PCDH15: variants seen among roughly 807,000 people sequenced by gnomAD.
The protein encoded by PCDH15 is protocadherin-15.
In PCDH15, 129 loss-of-function variants were observed where a neutral mutation model predicts 178.5. The ratio of observed to expected loss-of-function variants is 0.72; its 90% CI spans 0.63 to 0.84. The LOEUF (loss-of-function observed/expected upper bound fraction) is 0.84, where lower values mean the gene tolerates loss of function less well. Among genes scored for constraint, PCDH15 ranks in the 40% least tolerant of loss-of-function variants. The pLI is 0.00. For missense variants in PCDH15, 2,230 were observed against 2,099.9 expected (o/e 1.06, Z -1.21); for synonymous variants, 800 against 732.0 (o/e 1.09, Z -1.50).
intron 21 of PCDH15, among the ~76,000 whole-genome samples, chr10:53,986,748 A>G (rs2091130163): frequency 1.3e-5 from 2 of 152,252 alleles, no homozygotes; most frequent in African/African-American, 4.8e-5. Context: ...GCATGATTGC[A>G]TTTACATGAG....
chr10:54,278,660 G>A (rs1303625051), intron 8 of PCDH15, among the ~76,000 whole-genome samples: 1 of 151,478 alleles, frequency 6.6e-6, no homozygotes, highest in African/African-American at 2.4e-5. Flanking sequence ...AGAAGCACTG[G>A]GATGGAAGGG....
At chr10:54,152,039 C>T (rs1217649338) in intron 14 of PCDH15, among the ~76,000 whole-genome samples, 1 of 152,158 alleles carries the variant, frequency 6.6e-6, no homozygotes, top group Non-Finnish European at 1.5e-5. Flanking sequence ...AATGCAACAT[C>T]TCAAATTTGT....
chr10:54,513,909 T>A (rs1333972151), intron 3 of PCDH15, among the ~76,000 whole-genome samples: 3 of 152,236 alleles, frequency 2.0e-5, no homozygotes, highest in Non-Finnish European at 4.4e-5. Flanking sequence ...ATATTCTCTA[T>A]TCTGAGATAA....
intron 2 of PCDH15, among the ~76,000 whole-genome samples, chr10:55,385,547 A>G (rs1016645858): frequency 1.3e-5 from 2 of 151,738 alleles, no homozygotes; most frequent in Admixed American, 6.6e-5. Context: ...GTTATTATGT[A>G]GAAACACATA....
At chr10:54,023,598 C>A (rs1399641797) in intron 18 of PCDH15, among the ~76,000 whole-genome samples, 1 of 148,196 alleles carries the variant, frequency 6.7e-6, no homozygotes, top group East Asian at 2.0e-4. Context: ...TGTATATATT[C>A]ATTTTATATT....
intron 2 of PCDH15, among the ~76,000 whole-genome samples, chr10:54,934,859 G>C (rs950943672): frequency 2.0e-5 from 3 of 152,068 alleles, no homozygotes; most frequent in East Asian, 1.9e-4. Flanking sequence ...ACTGGATTAA[G>C]AAAATGTGGC....
At chr10:55,099,119 T>A (rs1316179689) in intron 2 of PCDH15, among the ~76,000 whole-genome samples, 1 of 152,098 alleles carries the variant, frequency 6.6e-6, no homozygotes, top group Non-Finnish European at 1.5e-5. Context: ...ATTTCATTTT[T>A]TTGAAGAGAT....
At chr10:54,049,546 A>G (rs571942455) in intron 18 of PCDH15, among the ~76,000 whole-genome samples, 20 of 152,142 alleles carry the variant, frequency 1.3e-4, no homozygotes, top group African/African-American at 4.8e-4. Flanking sequence ...TTTTCTTTCA[A>G]TGCCTAGTTT....
At chr10:53,972,884 G>T (rs1206740530) in intron 21 of PCDH15, among the ~76,000 whole-genome samples, 2 of 152,116 alleles carry the variant, frequency 1.3e-5, no homozygotes, top group East Asian at 1.9e-4. Context: ...ACAGTGTGGC[G>T]ATTCCTCAAG....
chr10:54,102,862 A>G (rs1000254958), intron 15 of PCDH15, among the ~76,000 whole-genome samples: 20 of 152,174 alleles, frequency 1.3e-4, no homozygotes, highest in African/African-American at 4.6e-4. Context: ...TCTGACCTCT[A>G]TAAGCCCCTA....
chr10:54,153,343 C>A, intron 13 of PCDH15, 50 bp from the exon 14 acceptor site: 3 of 1,598,248 alleles, frequency 1.9e-6, no homozygotes, highest in Non-Finnish European at 2.6e-6. Flanking sequence ...AACTTTTCAC[C>A]ACCATGTCGT....
chr10:55,438,126 C>G (rs550363716), intron 2 of PCDH15, among the ~76,000 whole-genome samples: 1 of 151,658 alleles, frequency 6.6e-6, no homozygotes, highest in Non-Finnish European at 1.5e-5. Flanking sequence ...TGAGCCCCTG[C>G]GCCTGGCCTC....
At chr10:54,376,668 C>A (rs886509250) in intron 4 of PCDH15, among the ~76,000 whole-genome samples, 18 of 151,626 alleles carry the variant, frequency 1.2e-4, no homozygotes, top group Non-Finnish European at 2.5e-4. Context: ...ACATACAACA[C>A]CTCTCCAAGT....
chr10:55,616,589 AC>A (rs1843482764), intron 2 of PCDH15, among the ~76,000 whole-genome samples: 1 of 151,936 alleles, frequency 6.6e-6, no homozygotes, highest in Non-Finnish European at 1.5e-5. Context: ...TGTGTCCCTA[AC>A]CAACCCACCT....
intron 2 of PCDH15, among the ~76,000 whole-genome samples, chr10:54,615,138 T>C (rs1456460355): frequency 6.6e-6 from 1 of 152,054 alleles, no homozygotes; most frequent in East Asian, 1.9e-4. Flanking sequence ...ATAATAACTA[T>C]ACCTCAGGCG....
intron 2 of PCDH15, among the ~76,000 whole-genome samples, chr10:55,356,293 G>C (rs1845078527): frequency 1.3e-5 from 2 of 151,682 alleles, no homozygotes; most frequent in South Asian, 4.1e-4. Flanking sequence ...AGAAAGGAGA[G>C]TGGCAAGGAA....
intron 2 of PCDH15, among the ~76,000 whole-genome samples, chr10:54,974,857 C>T (rs1252591813): frequency 6.6e-6 from 1 of 152,098 alleles, no homozygotes; most frequent in African/African-American, 2.4e-5. Context: ...CTTTTTCATG[C>T]ATATTTATTT....
chr10:53,962,689 G>A (rs1900438), intron 21 of PCDH15, among the ~76,000 whole-genome samples: 77,833 of 152,006 alleles, frequency 0.51, 21,676 homozygotes, highest in Middle Eastern at 0.68. Context: ...AAATATTCCA[G>A]AGATAGGCCA....
intron 2 of PCDH15, among the ~76,000 whole-genome samples, chr10:55,000,028 A>G (rs1434579420): frequency 6.6e-6 from 1 of 152,216 alleles, no homozygotes; most frequent in African/African-American, 2.4e-5. Context: ...TCACAGGACC[A>G]CAGGACAGGG....
Sources: allele counts gnomAD v4.1 joint callset (sites outside exome capture counted in the v4.1 genomes callset), GRCh38; gene constraint gnomAD v4.1.1; transcripts MANE v1.5; gene names NCBI Gene and HGNC (gene_info 2026-07-23, HGNC 2026-07-21).